The following ANXA4 variants were observed in gnomAD, a reference collection of about 807,000 sequenced individuals.
The protein encoded by ANXA4 is annexin A4.
ANXA4 carries 39 observed loss-of-function variants against 49.8 expected under a neutral mutation model. The ratio of observed to expected loss-of-function variants is 0.78; its 90% confidence interval spans 0.61 to 1.02. ANXA4 has a LOEUF of 1.02. Ranked by LOEUF, ANXA4 falls within the 50% of genes least tolerant of loss-of-function variation. The pLI is 0.00. For synonymous variants in ANXA4, 134 were observed against 152.5 expected, an observed-to-expected ratio of 0.88 and a Z score of 0.89; for missense variants, 360 against 410.1, an observed-to-expected ratio of 0.88 and a Z score of 1.05.
intron 3 of ANXA4, among the ~76,000 whole-genome samples, chr2:69,732,075 T>C (rs562988263): frequency 4.9e-4 from 73 of 149,982 alleles, no homozygotes; most frequent in African/African-American, 1.7e-3. Flanking sequence ...CCTCCTGGGT[T>C]CATGCCATTC....
In ANXA4 at chr2:69,757,447, T is replaced by G. The variant is rs531974000; in HGVS notation, c.-47+15272T>G. 2.8e-3 allele frequency among the ~76,000 whole-genome samples: 400 copies of G among 145,084 alleles called. 6 individuals carry two copies. Among genetic ancestry groups the G allele is most frequent in the Admixed American group, 7.3e-3 (106 of 14,608 alleles). ...CACCACGCCTAATTTTTTGTTTTTT[T>G]TTTTTTTAGTAGAGACAGGGTTTCA... is the stretch of plus-strand genomic sequence containing the variant. On this transcript the variant is annotated intron_variant, in intron 1 of 12. Transcript: ENST00000394295.
chr2:69,754,538 G>A (rs1304915289), intron 1 of ANXA4, among the ~76,000 whole-genome samples: 3 of 152,096 alleles, frequency 2.0e-5, no homozygotes, highest in Admixed American at 1.3e-4. Flanking sequence ...GAGATTACAG[G>A]CACAAGCTAC....
intron 3 of ANXA4, among the ~76,000 whole-genome samples, chr2:69,725,274 C>CGGCATCTTTTTATTTGA (rs1409951499): frequency 4.0e-5 from 6 of 151,406 alleles, no homozygotes; most frequent in Non-Finnish European, 5.9e-5. Flanking sequence ...TTAATCATTT[C>CGGCATCTTTTTATTTGA]GGCATCTTTT....
chr2:69,714,213 T>G (rs1573135267), intron 2 of ANXA4, among the ~76,000 whole-genome samples: 2 of 151,490 alleles, frequency 1.3e-5, no homozygotes, highest in Non-Finnish European at 2.9e-5. Context: ...AGTGGCTGGG[T>G]GGGCCGGGGG....
At chr2:69,724,997 A>G (rs931547480) in intron 3 of ANXA4, among the ~76,000 whole-genome samples, 1 of 152,190 alleles carries the variant, frequency 6.6e-6, no homozygotes, top group Non-Finnish European at 1.5e-5. Context: ...GAGTGGAATA[A>G]TTGTTTCATG....
intron 2 of ANXA4, among the ~76,000 whole-genome samples, chr2:69,653,743 A>G (rs1258260753): frequency 1.3e-5 from 2 of 152,222 alleles, no homozygotes; most frequent in Non-Finnish European, 2.9e-5. Context: ...GTCCTTAGCC[A>G]TGCCTCCTTG....
intron 2 of ANXA4, among the ~76,000 whole-genome samples, chr2:69,699,028 G>A (rs962896867): frequency 2.0e-5 from 3 of 152,126 alleles, no homozygotes; most frequent in Admixed American, 2.0e-4. Flanking sequence ...AAAAGCTGAT[G>A]GATTGAAGGA....
At chr2:69,723,957 T>C (rs142659025) in intron 3 of ANXA4, among the ~76,000 whole-genome samples, 2 of 152,326 alleles carry the variant, frequency 1.3e-5, no homozygotes, top group East Asian at 3.9e-4. Flanking sequence ...TAAAAACTTC[T>C]GAACTGTTGA....
rs369230231 is a variant in ANXA4 at position 69,777,446 on chromosome 2, G to A, written c.-46-4074G>A. 5.3e-5 allele frequency among the ~76,000 whole-genome samples: 8 copies of A among 152,246 alleles called. No individual in the cohort carries two copies. In the East Asian group the frequency reaches 9.6e-4, roughly 18 times the overall value. On this transcript the variant is annotated intron_variant, in intron 1 of 12. Transcript: ENST00000394295. ...CGTCCCCTCATTAACATGAACTCAG[G>A]TGCGGTTAACCGGGCTTGTTATGAA...
At chr2:69,779,486 C>T (rs1672111160) in intron 1 of ANXA4, among the ~76,000 whole-genome samples, 1 of 152,054 alleles carries the variant, frequency 6.6e-6, no homozygotes, top group Non-Finnish European at 1.5e-5. Context: ...CCAGACATCC[C>T]CCATATATCA....
chr2:69,725,708 A>C (rs555069429), intron 3 of ANXA4, among the ~76,000 whole-genome samples: 3 of 152,308 alleles, frequency 2.0e-5, no homozygotes, highest in Admixed American at 2.0e-4. Flanking sequence ...TGTGGCCTTC[A>C]GGCTAATGTG....
intron 9 of ANXA4, 39 bp downstream of exon 9, chr2:69,816,233 A>C: frequency 6.4e-7 from 1 of 1,561,468 alleles, no homozygotes; most frequent in Non-Finnish European, 8.8e-7. Context: ...AAAGGAGTGA[A>C]AGATAGCAAA....
At chr2:69,731,101 T>C (rs575459517) in intron 3 of ANXA4, among the ~76,000 whole-genome samples, 3 of 152,350 alleles carry the variant, frequency 2.0e-5, no homozygotes, top group Non-Finnish European at 4.4e-5. Context: ...TAGGCCTCCC[T>C]GTGTCTACCA....
At chr2:69,717,638 G>T (rs540418716) in intron 2 of ANXA4, among the ~76,000 whole-genome samples, 1 of 152,098 alleles carries the variant, frequency 6.6e-6, no homozygotes, top group South Asian at 2.1e-4. Flanking sequence ...TTAACTCCAC[G>T]TATCTAACTG....
intron 2 of ANXA4, among the ~76,000 whole-genome samples, chr2:69,687,936 G>A (rs148497501): frequency 1.3e-5 from 2 of 152,210 alleles, no homozygotes; most frequent in Admixed American, 6.5e-5. Flanking sequence ...TAAAACATAA[G>A]AGCATTTTGA....
chr2:69,691,523 C>T (rs1156479428), intron 2 of ANXA4, among the ~76,000 whole-genome samples: 2 of 151,894 alleles, frequency 1.3e-5, no homozygotes, highest in East Asian at 1.9e-4. Context: ...ATGATAGGCT[C>T]AGAGTTAAAA....
At chr2:69,684,175 A>C (rs185180065) in intron 2 of ANXA4, among the ~76,000 whole-genome samples, 74 of 152,358 alleles carry the variant, frequency 4.9e-4, no homozygotes, top group African/African-American at 1.6e-3. Flanking sequence ...GAAAAGCTTA[A>C]GACTACTCTA....
intron 2 of ANXA4, among the ~76,000 whole-genome samples, chr2:69,787,082 A>C (rs1040990121): frequency 2.0e-5 from 3 of 152,202 alleles, no homozygotes; most frequent in African/African-American, 7.2e-5. Context: ...ATTTTGAAGC[A>C]AACCCAAGAC....
chr2:69,809,146 T>G (rs1224882105), intron 6 of ANXA4: 1 of 152,196 alleles, frequency 6.6e-6, no homozygotes, highest in Non-Finnish European at 1.5e-5. Flanking sequence ...TACAGAAATG[T>G]TGTCAATGAT....
Sources: gnomAD v4.1 joint callset for allele counts (sites outside exome capture counted in the v4.1 genomes callset) on GRCh38, gnomAD v4.1.1 for gene constraint, MANE v1.5 for transcripts, NCBI Gene and HGNC (gene_info 2026-07-23, HGNC 2026-07-21) for gene names.